TERB1: variants seen among roughly 807,000 people sequenced by gnomAD.
The protein encoded by TERB1 is telomere repeat binding bouquet formation protein 1, also known as telomere repeats-binding bouquet formation protein 1.
In TERB1, 63 loss-of-function variants were observed where a neutral mutation model predicts 92.3. That is an observed-to-expected ratio of 0.68 (90% CI 0.56 to 0.84). TERB1 has a LOEUF of 0.84. TERB1 is among the 40% of genes least tolerant of loss of function. The probability of loss-of-function intolerance (pLI) is 0.00; values close to 1 mark genes in which losing one functional copy is unlikely to be tolerated. For missense variants in TERB1, 709 were observed against 843.7 expected, an observed-to-expected ratio of 0.84 and a Z score of 1.98; for synonymous variants, 252 against 283.9, an observed-to-expected ratio of 0.89 and a Z score of 1.13.
intron 2 of TERB1, among the ~76,000 whole-genome samples, chr16:66,799,731 G>A (rs1477557146): frequency 6.6e-6 from 1 of 152,142 alleles, no homozygotes; most frequent in Non-Finnish European, 1.5e-5. Flanking sequence ...CAAAGGATAA[G>A]TTATAACTTT....
chr16:66,775,453 G>A (rs538038416), intron 11 of TERB1, among the ~76,000 whole-genome samples: 2 of 152,082 alleles, frequency 1.3e-5, no homozygotes, highest in South Asian at 4.2e-4. Context: ...AGTCAACATG[G>A]TGAAACCCAG....
intron 2 of TERB1, among the ~76,000 whole-genome samples, chr16:66,799,005 C>T (rs1959216611): frequency 6.6e-6 from 1 of 152,188 alleles, no homozygotes; most frequent in Non-Finnish European, 1.5e-5. Context: ...CTCTTATCCT[C>T]TCTTATACTG....
Position 66,754,988 on chromosome 16 carries a change from A to G in TERB1, c.2172T>C (p.Cys724=). The G allele has an allele frequency of 6.5e-7, 1 of 1,549,012 alleles. No individual in the cohort carries two copies. Among genetic ancestry groups the G allele is most frequent in the Non-Finnish European group, 8.7e-7 (1 of 1,146,444 alleles). ...AGTCTTCTTTCAATCAAGAAGCTGC[A>G]CACGTGGGGTGTTTGGTCAGCTTGT... ...KYHKLTKHPT[C]AAS The change falls in exon 19 of 19, where the codon TGT becomes TGC. Residue 724 remains cysteine, a synonymous_variant. Transcript: ENST00000433154.
intron 5 of TERB1, among the ~76,000 whole-genome samples, chr16:66,788,728 A>G (rs950237905): frequency 1.3e-5 from 2 of 152,126 alleles, no homozygotes; most frequent in African/African-American, 4.8e-5. Context: ...CTAGAAATAA[A>G]ACTCTTTTCA....
rs2018424012 is a variant in TERB1 at position 66,770,238 on chromosome 16, T to G, written c.1344A>C (p.Lys448Asn). Residue 448 changes from lysine (K) to asparagine (N), a missense_variant, in exon 14 of 19, where the codon AAA becomes AAC. By Grantham distance (94) the Lys-to-Asn change is moderately conservative. Coordinates refer to ENST00000433154, the MANE Select transcript of TERB1 (RefSeq NM_001136505.2). Reference protein sequence around the residue: ...SMNISIQNTWKHLHADRIGRG... With the variant: ...SMNISIQNTWNHLHADRIGRG... ...GACCAATCCGATCTGCATGGAGATG[T>G]TTCCATGTATTCTGAATACTTATGT... is the stretch of plus-strand genomic sequence containing the variant. 4 of 1,552,220 alleles carry G rather than the reference T, an allele frequency of 2.6e-6. No homozygotes were observed. The highest frequency in any genetic ancestry group is 3.5e-6 in the Non-Finnish European group (4 of 1,147,076).
At chr16:66,800,600 A>G (rs1296788398) in intron 2 of TERB1, among the ~76,000 whole-genome samples, 1 of 151,932 alleles carries the variant, frequency 6.6e-6, no homozygotes, top group Non-Finnish European at 1.5e-5. Flanking sequence ...TATCAGAAAG[A>G]TAAATGGCAT....
At chr16:66,790,464 A>C in intron 5 of TERB1, 131 bp downstream of exon 5, 1 of 586,716 alleles carries the variant, frequency 1.7e-6, no homozygotes, top group Non-Finnish European at 2.8e-6. Context: ...GGAGGGGGGA[A>C]GGAGGCTAGA....
chr16:66,757,622 T>G (rs363154), intron 18 of TERB1, among the ~76,000 whole-genome samples: 92,563 of 152,042 alleles, frequency 0.61, 28,525 homozygotes, highest in South Asian at 0.67. Context: ...GATATAAAAA[T>G]CAAATTTGAA....
intron 8 of TERB1, 29 bp downstream of exon 8, chr16:66,785,979 CTTTATT>C (rs1432789160): frequency 6.5e-7 from 1 of 1,529,160 alleles, no homozygotes; most frequent in Admixed American, 2.1e-5. Flanking sequence ...TTGTTTTTAT[CTTTATT>C]TTTATATTTA....
intron 12 of TERB1, among the ~76,000 whole-genome samples, chr16:66,774,081 C>T (rs1474842520): frequency 6.6e-6 from 1 of 150,950 alleles, no homozygotes; most frequent in African/African-American, 2.4e-5. Context: ...CAGGGTTTCA[C>T]CATGTTCGCC....
At chr16:66,758,722 CAG>C (rs2018178178) in intron 18 of TERB1, 49 bp downstream of exon 18, 9 of 1,154,894 alleles carry the variant, frequency 7.8e-6, no homozygotes, top group Non-Finnish European at 1.0e-5. Context: ...TCCTGGGTAA[CAG>C]AGCCAGACCC....
At chr16:66,795,095 A>G (rs1045573635) in intron 3 of TERB1, among the ~76,000 whole-genome samples, 5 of 152,242 alleles carry the variant, frequency 3.3e-5, no homozygotes, top group African/African-American at 1.2e-4. Context: ...TGTTCAGAAC[A>G]CATAAAGAAT....
Position 66,769,946 on chromosome 16 carries a change from C to G in TERB1, c.1619+17G>C. The G allele has an allele frequency of 3.3e-6, 5 of 1,498,770 alleles. No individual in the cohort carries two copies. The highest frequency in any genetic ancestry group is 4.5e-6 in the Non-Finnish European group (5 of 1,102,246). 92.8% of individuals were successfully genotyped at this position (1,498,770 alleles called of 1,614,324 possible). A position where few individuals can be genotyped will look rare whatever the true frequency, so the allele number is the denominator to read the frequency against. On this transcript the variant is annotated intron_variant, in intron 14 of 18. Transcript: ENST00000433154. ...TTGCTGAATAAATAAAAGTTACACA[C>G]AATTATTAAACTATACCTTGATTGA...
At chr16:66,795,081 C>T (rs894406282) in intron 3 of TERB1, among the ~76,000 whole-genome samples, 2 of 152,124 alleles carry the variant, frequency 1.3e-5, no homozygotes, top group Non-Finnish European at 2.9e-5. Context: ...AAATAGGGGG[C>T]TTGTGTTCAG....
At chr16:66,800,331 AC>A (rs1438568490) in intron 2 of TERB1, 4 of 150,950 alleles carry the variant, frequency 2.6e-5, no homozygotes, top group Non-Finnish European at 5.9e-5. Flanking sequence ...GCGCCACTGC[AC>A]GCCAACCTGG....
At position 66,797,623 on chromosome 16, in the gene TERB1, C is replaced by CCACACACACA. The variant is rs71145942; in HGVS notation, c.-32-803_-32-794dup. On this transcript the variant is annotated intron_variant, in intron 2 of 18. Transcript: ENST00000433154. ...TACCTAAGAGAGGTTTAAAAACACA[C>CCACACACACA]CACACACACACACACACACACACAC... Among the ~76,000 whole-genome samples, 1,237 of 140,934 alleles carry CCACACACACA rather than the reference C, an allele frequency of 8.8e-3. 12 individuals carry two copies. The highest frequency in any genetic ancestry group is 0.043 in the East Asian group (208 of 4,800). 92.5% of individuals were successfully genotyped at this position (140,934 alleles called of 152,430 possible). A position where few individuals can be genotyped will look rare whatever the true frequency, so the allele number is the denominator to read the frequency against.
intron 2 of TERB1, among the ~76,000 whole-genome samples, chr16:66,798,854 T>C (rs1468392246): frequency 5.9e-5 from 9 of 152,228 alleles, no homozygotes; most frequent in Admixed American, 5.9e-4. Flanking sequence ...AATATTCTTT[T>C]TAGTCTTCAC....
intron 14 of TERB1, 58 bp downstream of exon 14, chr16:66,769,905 A>G (rs745946144): frequency 6.2e-6 from 7 of 1,131,700 alleles, no homozygotes; most frequent in South Asian, 1.5e-5. Flanking sequence ...GGCATACTGT[A>G]GTACACAATA....
intron 9 of TERB1, among the ~76,000 whole-genome samples, chr16:66,781,487 A>T (rs1339697526): frequency 4.0e-5 from 6 of 150,714 alleles, no homozygotes; most frequent in Non-Finnish European, 3.0e-5. Flanking sequence ...ACTGATTTAT[A>T]AGAGCTGTTT....
Sources: gnomAD v4.1 joint callset for allele counts (sites outside exome capture counted in the v4.1 genomes callset) on GRCh38, gnomAD v4.1.1 for gene constraint, MANE v1.5 for transcripts, NCBI Gene and HGNC (gene_info 2026-07-23, HGNC 2026-07-21) for gene names.